Variants in SRPK2 observed in about 807,000 individuals in gnomAD.
SRPK2 encodes the protein SFRS protein kinase 2.
Under a neutral mutation model 90.8 loss-of-function variants are expected in SRPK2, and 21 were observed. The observed-to-expected ratio is 0.23, with a 90% CI of 0.16 to 0.33. The LOEUF is 0.33. SRPK2 is among the 10% of genes least tolerant of loss of function. SRPK2 has a pLI of 1.00. For synonymous variants in SRPK2, 288 were observed against 311.1 expected (o/e 0.93, Z 0.78); for missense variants, 620 against 869.0 (o/e 0.71, Z 3.60).
At chr7:105,274,815 A>C (rs926904961) in intron 2 of SRPK2, among the ~76,000 whole-genome samples, 8 of 151,834 alleles carry the variant, frequency 5.3e-5, no homozygotes, top group African/African-American at 1.9e-4. Context: ...GATGGATTTG[A>C]GACTGAGCTC....
At chr7:105,313,350 G>A (rs1396741463) in intron 2 of SRPK2, among the ~76,000 whole-genome samples, 1 of 151,678 alleles carries the variant, frequency 6.6e-6, no homozygotes, top group Non-Finnish European at 1.5e-5. Flanking sequence ...GGGCAGCTGA[G>A]GCAGGAGAAT....
Position 105,308,466 on chromosome 7 carries a change from G to A in SRPK2, c.71+80182C>T, listed in dbSNP as rs932981377. Among the ~76,000 whole-genome samples the A allele has an allele frequency of 6.6e-5, 10 of 152,168 alleles. No individual in the cohort carries two copies. In the East Asian group the frequency reaches 9.7e-4, roughly 15 times the overall value. ...TATTTAGGGCAACCAACAGAGGGAG[G>A]GGATTTCCTTAAAGAATGATGGGCA... On this transcript the variant is annotated intron_variant, in intron 2 of 15. Coordinates refer to ENST00000393651, the MANE Select transcript of SRPK2 (RefSeq NM_182692.3).
intron 2 of SRPK2, among the ~76,000 whole-genome samples, chr7:105,300,805 A>G (rs937393233): frequency 1.3e-5 from 2 of 152,162 alleles, no homozygotes; most frequent in Non-Finnish European, 2.9e-5. Context: ...GCAAATCAAA[A>G]CCACAACGAG....
chr7:105,349,312 T>C (rs1472151335), intron 2 of SRPK2, among the ~76,000 whole-genome samples: 1 of 151,786 alleles, frequency 6.6e-6, no homozygotes, highest in African/African-American at 2.4e-5. Context: ...CACTGGAGGT[T>C]GGGAGTTCAA....
At chr7:105,247,600 T>C (rs1801882624) in intron 2 of SRPK2, among the ~76,000 whole-genome samples, 1 of 151,754 alleles carries the variant, frequency 6.6e-6, no homozygotes, top group African/African-American at 2.4e-5. Flanking sequence ...TTGTTCAAAG[T>C]TTTTAACTAT....
chr7:105,247,515 A>AACACGCACACACACAAACAC lies in SRPK2; in HGVS notation c.72-43731_72-43730insGTGTTTGTGTGTGTGCGTGT, dbSNP rs1380143242. Among the ~76,000 whole-genome samples the AACACGCACACACACAAACAC allele has an allele frequency of 2.2e-3, 208 of 92,612 alleles. 3 individuals are homozygous for AACACGCACACACACAAACAC. Among genetic ancestry groups the AACACGCACACACACAAACAC allele is most frequent in the African/African-American group, 7.7e-3 (190 of 24,692 alleles). The allele number at this position is 92,612 out of a possible 152,430, so 60.8% of individuals were successfully genotyped here. Reference sequence around the variant, plus strand: ...CACCGGAGTGCCATACATACCAAAAAACACACACACACATAAACACACACA... The same window carrying AACACGCACACACACAAACAC: ...CACCGGAGTGCCATACATACCAAAAAACACGCACACACACAAACACACACACACACACATAAACACACACA... On this transcript the variant is annotated intron_variant, in intron 2 of 15. Coordinates refer to ENST00000393651, the MANE Select transcript of SRPK2 (RefSeq NM_182692.3).
chr7:105,353,636 G>T (rs574117197), intron 2 of SRPK2, among the ~76,000 whole-genome samples: 1 of 152,088 alleles, frequency 6.6e-6, no homozygotes, highest in African/African-American at 2.4e-5. Context: ...AAAGTGATGG[G>T]ATTACAGACT....
intron 2 of SRPK2, among the ~76,000 whole-genome samples, chr7:105,388,156 G>A (rs928071276): frequency 2.0e-5 from 3 of 152,110 alleles, no homozygotes; most frequent in Non-Finnish European, 4.4e-5. Flanking sequence ...GGGGGCCGGG[G>A]AGGAAGGGGA....
chr7:105,333,542 A>C (rs560253058), intron 2 of SRPK2, among the ~76,000 whole-genome samples: 2 of 152,338 alleles, frequency 1.3e-5, no homozygotes, highest in East Asian at 3.9e-4. Flanking sequence ...TCATAAATGA[A>C]AACTGCTAAT....
Position 105,330,414 on chromosome 7 carries a change from T to C in SRPK2, c.71+58234A>G, listed in dbSNP as rs1814172422. On this transcript the variant is annotated intron_variant, in intron 2 of 15. Coordinates refer to ENST00000393651, the MANE Select transcript of SRPK2 (RefSeq NM_182692.3). ...ATAAAACCAGTAACAACATAAGAATTGACTCCTGTCTCCATTTCTATTCAT... is the reference window on the plus strand; with the variant it reads ...ATAAAACCAGTAACAACATAAGAATCGACTCCTGTCTCCATTTCTATTCAT... Among the ~76,000 whole-genome samples, 4 of 152,092 alleles carry C rather than the reference T, an allele frequency of 2.6e-5. No homozygotes were observed. The South Asian group carries it at 8.3e-4, about 32-fold the overall frequency.
intron 2 of SRPK2, among the ~76,000 whole-genome samples, chr7:105,334,209 G>A (rs1046916558): frequency 6.6e-6 from 1 of 152,180 alleles, no homozygotes. Flanking sequence ...AGCCTCCCAA[G>A]TAGCTGGGAC....
At chr7:105,159,470 A>AAAAAAAAAAAAAAAAAAC (rs1563005939) in intron 7 of SRPK2, among the ~76,000 whole-genome samples, 6 of 148,998 alleles carry the variant, frequency 4.0e-5, no homozygotes, top group Non-Finnish European at 8.9e-5. Context: ...AAAAAAAAAA[A>AAAAAAAAAAAAAAAAAAC]AAACCGTACA....
rs187061444 is a variant in SRPK2, at chr7:105,331,055, A to C, written c.71+57593T>G. 1.6e-4 allele frequency among the ~76,000 whole-genome samples: 25 copies of C among 152,186 alleles called. 1 individual carries two copies. The highest frequency in any genetic ancestry group is 1.6e-3 in the Admixed American group (25 of 15,280). On this transcript the variant is annotated intron_variant, in intron 2 of 15. Transcript: ENST00000393651. Reference sequence around the variant, plus strand: ...GATGGCTCACGCCTATAATCCCAGCACTTTGGGAGGCCGAGGTAGGTGGTT... The same window carrying C: ...GATGGCTCACGCCTATAATCCCAGCCCTTTGGGAGGCCGAGGTAGGTGGTT...
chr7:105,115,970 A>G (rs2129570534), downstream of SRPK2, among the ~76,000 whole-genome samples: 1 of 152,312 alleles, frequency 6.6e-6, no homozygotes. Context: ...AAAACTTAGC[A>G]TGCAAATTTC....
intron 13 of SRPK2, among the ~76,000 whole-genome samples, chr7:105,132,289 G>A (rs1421266964): frequency 6.6e-6 from 1 of 152,210 alleles, no homozygotes; most frequent in Non-Finnish European, 1.5e-5. Context: ...TTATGCATTG[G>A]CATCTGGGGA....
chr7:105,282,556 GCA>G (rs1212700533), intron 2 of SRPK2, among the ~76,000 whole-genome samples: 5 of 152,104 alleles, frequency 3.3e-5, no homozygotes, highest in African/African-American at 4.8e-5. Context: ...TAATCTCTGT[GCA>G]TTGGGAGGCC....
intron 2 of SRPK2, among the ~76,000 whole-genome samples, chr7:105,282,553 T>TGC (rs1491233569): frequency 3.3e-5 from 5 of 152,182 alleles, no homozygotes; most frequent in African/African-American, 4.8e-5. Flanking sequence ...CTGTAATCTC[T>TGC]GTGCATTGGG....
chr7:105,174,695 T>C (rs1186212335), intron 3 of SRPK2, among the ~76,000 whole-genome samples: 1 of 152,144 alleles, frequency 6.6e-6, no homozygotes, highest in Non-Finnish European at 1.5e-5. Context: ...ATAAAATCAG[T>C]AAGGATATGG....
Position 105,162,984 on chromosome 7 carries a change from T to C in SRPK2, c.515-2371A>G, listed in dbSNP as rs180700992. Among the ~76,000 whole-genome samples, 179 of 152,338 alleles carry C rather than the reference T, an allele frequency of 1.2e-3. 1 individual carries two copies. The highest frequency in any genetic ancestry group is 3.6e-3 in the Admixed American group (55 of 15,292). On this transcript the variant is annotated intron_variant, in intron 6 of 15. Coordinates refer to ENST00000393651, the MANE Select transcript of SRPK2 (RefSeq NM_182692.3). The stretch of plus-strand genomic sequence containing the variant: ...CTGCCGCTATCTGCTTACTGATTTA[T>C]CTATCCAAAGGGAAAAATATACTCA...
Sources: allele counts gnomAD v4.1 joint callset (sites outside exome capture counted in the v4.1 genomes callset), GRCh38; gene constraint gnomAD v4.1.1; transcripts MANE v1.5; gene names NCBI Gene and HGNC (gene_info 2026-07-23, HGNC 2026-07-21).